Variants in SYNPR observed in about 807,000 individuals in gnomAD.
The protein encoded by SYNPR is synaptoporin.
In SYNPR, 23 loss-of-function variants were observed where a neutral mutation model predicts 32.9. That is an observed-to-expected ratio of 0.70 (90% CI 0.50 to 0.99). The LOEUF is 0.99. SYNPR is among the 50% of genes least tolerant of loss of function. SYNPR has a pLI of 0.00. For missense variants in SYNPR, 318 were observed against 349.3 expected, an observed-to-expected ratio of 0.91 and a Z score of 0.71; for synonymous variants, 146 against 135.9, an observed-to-expected ratio of 1.07 and a Z score of -0.52.
chr3:63,481,732 G>T (rs1172663110), intron 3 of SYNPR, among the ~76,000 whole-genome samples: 1 of 152,102 alleles, frequency 6.6e-6, no homozygotes, highest in Non-Finnish European at 1.5e-5. Context: ...AAGTGGACGT[G>T]CAAGTGCATG....
intron 2 of SYNPR, among the ~76,000 whole-genome samples, chr3:63,365,543 A>C (rs2087719739): frequency 6.6e-6 from 1 of 152,232 alleles, no homozygotes; most frequent in African/African-American, 2.4e-5. Context: ...AAACTGAAGA[A>C]TTACTGACAA....
intron 2 of SYNPR, among the ~76,000 whole-genome samples, chr3:63,336,833 A>G (rs2167354): frequency 0.22 from 32,913 of 152,136 alleles, 4,060 homozygotes; most frequent in South Asian, 0.39. Context: ...GCAAGAAAAT[A>G]TTTGTAAAAC....
chr3:63,209,418 T>C, the SYNPR span, among the ~76,000 whole-genome samples: 1 of 151,782 alleles, frequency 6.6e-6, no homozygotes, highest in African/African-American at 2.4e-5. Flanking sequence ...CAAATTCAAG[T>C]CTTTGATGAT....
intron 4 of SYNPR, among the ~76,000 whole-genome samples, chr3:63,571,372 G>T (rs1339018292): frequency 6.6e-6 from 1 of 152,102 alleles, no homozygotes; most frequent in Non-Finnish European, 1.5e-5. Flanking sequence ...CTTTAAAATA[G>T]GTATTAATCA....
chr3:63,541,878 G>A (rs573377224), intron 3 of SYNPR, among the ~76,000 whole-genome samples: 2 of 152,218 alleles, frequency 1.3e-5, no homozygotes, highest in South Asian at 4.1e-4. Context: ...GAGGGCACTT[G>A]GGATGAAAAT....
rs939973508 is a variant in SYNPR at position 63,318,564 on chromosome 3, C to A, written c.84+39822C>A. Among the ~76,000 whole-genome samples, 5 of 152,122 alleles carry A rather than the reference C, an allele frequency of 3.3e-5. No homozygotes were observed. In the East Asian group the frequency reaches 7.8e-4, roughly 24 times the overall value. On this transcript the variant is annotated intron_variant, in intron 2 of 5. Transcript: ENST00000478300. ...GTTCTATTGCTGAGACTTTCCAGAG[C>A]ATTTTATATTTCTAAAAGTGTGCCC...
chr3:63,534,511 G>A (rs1339826617), intron 3 of SYNPR, among the ~76,000 whole-genome samples: 1 of 152,104 alleles, frequency 6.6e-6, no homozygotes, highest in Non-Finnish European at 1.5e-5. Context: ...AGGTTTTTAA[G>A]TGCTTCTGTG....
intron 2 of SYNPR, among the ~76,000 whole-genome samples, chr3:63,479,661 A>G (rs1342402311): frequency 6.6e-6 from 1 of 152,182 alleles, no homozygotes; most frequent in East Asian, 1.9e-4. Flanking sequence ...AACTTTCTGG[A>G]AAGACCTGGT....
At chr3:63,559,127 G>A (rs1702641737) in intron 4 of SYNPR, among the ~76,000 whole-genome samples, 1 of 148,924 alleles carries the variant, frequency 6.7e-6, no homozygotes, top group Non-Finnish European at 1.5e-5. Flanking sequence ...CTGTGTAGTG[G>A]AGCGATCTCG....
chr3:63,218,367 AG>A, the SYNPR span, among the ~76,000 whole-genome samples: 3 of 152,322 alleles, frequency 2.0e-5, no homozygotes, highest in East Asian at 5.8e-4. Flanking sequence ...GGAGTAGTTA[AG>A]GTATGGGAGG....
intron 2 of SYNPR, among the ~76,000 whole-genome samples, chr3:63,476,273 GAGGGAGGGAAGGAAGGGA>G (rs200857313): frequency 0.022 from 1,144 of 52,510 alleles, 84 homozygotes; most frequent in East Asian, 0.069. Flanking sequence ...GGAAGGAAGG[GAGGGAGGGAAGGAAGGGA>G]AGGGAGGGAA....
intron 2 of SYNPR, among the ~76,000 whole-genome samples, chr3:63,355,002 G>A (rs1217135918): frequency 1.3e-5 from 2 of 152,184 alleles, no homozygotes. Flanking sequence ...GAGCAGGCCA[G>A]GAATGGTGGC....
chr3:63,592,002 T>C (rs1319415151), intron 4 of SYNPR, among the ~76,000 whole-genome samples: 1 of 151,692 alleles, frequency 6.6e-6, no homozygotes, highest in Non-Finnish European at 1.5e-5. Context: ...TCTTTGCAGA[T>C]GTAATTCAGT....
chr3:63,247,228 C>T (rs971191802), intron 1 of SYNPR, among the ~76,000 whole-genome samples: 3 of 151,970 alleles, frequency 2.0e-5, no homozygotes, highest in Middle Eastern at 3.2e-3. Flanking sequence ...CAAATTCAGT[C>T]TTCTAAATAC....
chr3:63,317,311 G>C (rs1000979587), intron 2 of SYNPR, among the ~76,000 whole-genome samples: 1 of 151,812 alleles, frequency 6.6e-6, no homozygotes, highest in Non-Finnish European at 1.5e-5. Context: ...TTGTTGACCT[G>C]TCTAGTGCTG....
chr3:63,300,704 A>G (rs1342992580), intron 2 of SYNPR, among the ~76,000 whole-genome samples: 1 of 152,110 alleles, frequency 6.6e-6, no homozygotes, highest in Admixed American at 6.6e-5. Flanking sequence ...TCCTTGCCTC[A>G]GGGTGGGACC....
chr3:63,453,424 A>G (rs1002024537), intron 2 of SYNPR, among the ~76,000 whole-genome samples: 1 of 152,146 alleles, frequency 6.6e-6, no homozygotes, highest in Non-Finnish European at 1.5e-5. Context: ...TTTATTAAAA[A>G]TGATGTTCAG....
chr3:63,507,108 T>C (rs1387149695), intron 3 of SYNPR, among the ~76,000 whole-genome samples: 1 of 149,626 alleles, frequency 6.7e-6, no homozygotes, highest in Non-Finnish European at 1.5e-5. Flanking sequence ...CATCGCACCA[T>C]GGCACTCCAG....
chr3:63,327,556 C>T (rs2087180958), intron 2 of SYNPR, among the ~76,000 whole-genome samples: 1 of 151,982 alleles, frequency 6.6e-6, no homozygotes, highest in Non-Finnish European at 1.5e-5. Context: ...TTATCAGTAG[C>T]ATGATGAACA....
Sources: gnomAD v4.1 joint callset for allele counts (sites outside exome capture counted in the v4.1 genomes callset) on GRCh38, gnomAD v4.1.1 for gene constraint, MANE v1.5 for transcripts, NCBI Gene and HGNC (gene_info 2026-07-23, HGNC 2026-07-21) for gene names.